Variants in TENM3 observed in about 807,000 individuals in gnomAD.
TENM3 encodes the protein teneurin-3.
In TENM3, 63 loss-of-function variants were observed where a neutral mutation model predicts 255.1. The ratio of observed to expected loss-of-function variants is 0.25; its 90% confidence interval spans 0.20 to 0.30. The LOEUF (loss-of-function observed/expected upper bound fraction) is 0.30, where lower values mean the gene tolerates loss of function less well. Ranked by LOEUF, TENM3 falls within the 10% of genes least tolerant of loss-of-function variation. TENM3 has a pLI of 1.00. For missense variants in TENM3, 2,929 were observed against 3,461.1 expected (o/e 0.85, Z 3.86); for synonymous variants, 1,306 against 1,322.3 (o/e 0.99, Z 0.27).
the TENM3 span, among the ~76,000 whole-genome samples, chr4:181,750,224 G>A: frequency 1.3e-5 from 2 of 152,126 alleles, no homozygotes; most frequent in Non-Finnish European, 2.9e-5. Flanking sequence ...GTTCATGGTT[G>A]GGGGGTAGAA....
chr4:182,730,838 G>A, intron 15 of TENM3, 40 bp from the exon 16 acceptor site: 2 of 1,605,460 alleles, frequency 1.2e-6, no homozygotes, highest in East Asian at 2.2e-5. Flanking sequence ...AGTTATGTGG[G>A]ATCCAGACAA....
At chr4:181,754,070 G>A in the TENM3 span, among the ~76,000 whole-genome samples, 3 of 152,152 alleles carry the variant, frequency 2.0e-5, no homozygotes, top group Admixed American at 2.0e-4. Flanking sequence ...TATGTCAGCA[G>A]ATATTTAAAC....
the TENM3 span, among the ~76,000 whole-genome samples, chr4:181,865,315 A>AGAAAAGCCAAGAACAAAT: frequency 1.3e-5 from 2 of 152,234 alleles, no homozygotes; most frequent in Non-Finnish European, 2.9e-5. Flanking sequence ...TTTTATTTCC[A>AGAAAAGCCAAGAACAAAT]GAAAAGCCAA....
chr4:181,593,904 A>G, the TENM3 span, among the ~76,000 whole-genome samples: 1 of 152,156 alleles, frequency 6.6e-6, no homozygotes, highest in South Asian at 2.1e-4. Context: ...AATGCTGAAT[A>G]AGCGTTAATT....
At chr4:182,030,350 T>G in the TENM3 span, among the ~76,000 whole-genome samples, 5,650 of 152,140 alleles carry the variant, frequency 0.037, 152 homozygotes, top group Middle Eastern at 0.068. Context: ...TTTCTGTCCC[T>G]GCATTAGTTT....
intron 3 of TENM3, among the ~76,000 whole-genome samples, chr4:182,488,946 A>G (rs17073387): frequency 0.013 from 1,930 of 152,254 alleles, 39 homozygotes; most frequent in African/African-American, 0.045. Flanking sequence ...AGCTGCTGAA[A>G]AAAATGATTC....
the TENM3 span, among the ~76,000 whole-genome samples, chr4:181,455,410 C>G: frequency 6.6e-6 from 1 of 152,054 alleles, no homozygotes; most frequent in Non-Finnish European, 1.5e-5. Flanking sequence ...AGCAAAATCT[C>G]AAATACAAAG....
the TENM3 span, among the ~76,000 whole-genome samples, chr4:181,604,911 T>C: frequency 1.3e-5 from 2 of 152,202 alleles, no homozygotes; most frequent in African/African-American, 4.8e-5. Context: ...ATCTGGAGAA[T>C]AGGGTGATAA....
intron 3 of TENM3, among the ~76,000 whole-genome samples, chr4:182,445,037 G>C (rs929219087): frequency 2.0e-5 from 3 of 152,158 alleles, no homozygotes; most frequent in Non-Finnish European, 4.4e-5. Flanking sequence ...TCGAACTCCT[G>C]ACCTCAGGTG....
chr4:182,396,059 G>A (rs1287357138), intron 3 of TENM3, among the ~76,000 whole-genome samples: 1 of 151,990 alleles, frequency 6.6e-6, no homozygotes, highest in African/African-American at 2.4e-5. Flanking sequence ...CTCAACCGAA[G>A]CATATTTGAA....
chr4:182,676,210 T>C (rs190295666), intron 7 of TENM3, among the ~76,000 whole-genome samples: 5 of 152,378 alleles, frequency 3.3e-5, no homozygotes, highest in African/African-American at 1.2e-4. Flanking sequence ...ACTGCCCGTT[T>C]GATTGTTGCC....
chr4:182,230,761 T>C (rs1756502559), intron 1 of TENM3, among the ~76,000 whole-genome samples: 2 of 147,246 alleles, frequency 1.4e-5, no homozygotes, highest in Admixed American at 6.8e-5. Context: ...CTTTTAATTT[T>C]TAAATTTTGT....
chr4:182,086,723 T>G, the TENM3 span, among the ~76,000 whole-genome samples: 3 of 152,310 alleles, frequency 2.0e-5, no homozygotes, highest in East Asian at 5.8e-4. Flanking sequence ...AGGTAATAGT[T>G]GCAAAAACCT....
chr4:182,776,193 A>T (rs185101903), intron 24 of TENM3, among the ~76,000 whole-genome samples: 45 of 152,312 alleles, frequency 3.0e-4, no homozygotes, highest in Admixed American at 1.5e-3. Context: ...TAGGCGGACC[A>T]CTTGAGGTCA....
chr4:181,789,218 A>T, the TENM3 span, among the ~76,000 whole-genome samples: 1 of 145,550 alleles, frequency 6.9e-6, no homozygotes, highest in Non-Finnish European at 1.5e-5. Flanking sequence ...AGCCCCCTTT[A>T]TTTATTTTAT....
intron 12 of TENM3, among the ~76,000 whole-genome samples, chr4:182,693,327 C>CT (rs1300523954): frequency 3.2e-4 from 48 of 151,358 alleles, no homozygotes; most frequent in Non-Finnish European, 6.2e-4. Context: ...TAACTGGTAT[C>CT]TTTTTTTTCT....
At chr4:182,241,005 A>G (rs1017228708), upstream of TENM3, among the ~76,000 whole-genome samples, 1 of 152,086 alleles carries the variant, frequency 6.6e-6, no homozygotes, top group Non-Finnish European at 1.5e-5. Context: ...CACCACCTAC[A>G]GCCTCAAGGA....
At chr4:182,664,944 A>C (rs763681179) in intron 6 of TENM3, among the ~76,000 whole-genome samples, 1 of 152,250 alleles carries the variant, frequency 6.6e-6, no homozygotes, top group African/African-American at 2.4e-5. Context: ...AAGGTGAAGC[A>C]GCAGGTTCTG....
chr4:182,483,092 T>A (rs1419211112), intron 3 of TENM3, among the ~76,000 whole-genome samples: 3 of 152,090 alleles, frequency 2.0e-5, no homozygotes, highest in Non-Finnish European at 4.4e-5. Flanking sequence ...TCACCACAAT[T>A]TCATATTCAA....
Sources: gnomAD v4.1 joint callset for allele counts (sites outside exome capture counted in the v4.1 genomes callset) on GRCh38, gnomAD v4.1.1 for gene constraint, MANE v1.5 for transcripts, NCBI Gene and HGNC (gene_info 2026-07-23, HGNC 2026-07-21) for gene names.